NCAM2: variants seen among roughly 807,000 people sequenced by gnomAD.
NCAM2 encodes the protein neural cell adhesion molecule 2, also known as N-CAM-2.
A neutral mutation model predicts 98.1 loss-of-function variants in NCAM2; 30 were observed. That is an observed-to-expected ratio of 0.31 (90% CI 0.23 to 0.41). The LOEUF (loss-of-function observed/expected upper bound fraction) is 0.41, where lower values mean the gene tolerates loss of function less well. Among genes scored for constraint, NCAM2 ranks in the 10% least tolerant of loss-of-function variants. NCAM2 has a pLI of 1.00. For missense variants in NCAM2, 867 were observed against 1,005.8 expected (o/e 0.86, Z 1.87); for synonymous variants, 368 against 342.4 (o/e 1.07, Z -0.83).
chr21:21,071,336 T>C (rs375116718), intron 1 of NCAM2, among the ~76,000 whole-genome samples: 25 of 152,274 alleles, frequency 1.6e-4, no homozygotes, highest in African/African-American at 5.8e-4. Context: ...TGGTAAACAT[T>C]GGCGAATTTT....
intron 1 of NCAM2, among the ~76,000 whole-genome samples, chr21:21,158,711 T>A (rs1426817011): frequency 6.6e-6 from 1 of 152,174 alleles, no homozygotes; most frequent in Non-Finnish European, 1.5e-5. Context: ...CTCACCTGTT[T>A]ATGATGACGC....
chr21:21,262,184 A>T (rs928630456), intron 1 of NCAM2, among the ~76,000 whole-genome samples: 1 of 152,152 alleles, frequency 6.6e-6, no homozygotes, highest in Non-Finnish European at 1.5e-5. Flanking sequence ...GAACAGAACA[A>T]TAACAAGTTA....
At chr21:21,180,262 A>G (rs2068428192) in intron 1 of NCAM2, among the ~76,000 whole-genome samples, 1 of 152,246 alleles carries the variant, frequency 6.6e-6, no homozygotes, top group Admixed American at 6.5e-5. Flanking sequence ...TTTTATGGAT[A>G]CATAATAGTT....
chr21:21,492,352 A>T (rs1412920085), intron 15 of NCAM2, among the ~76,000 whole-genome samples: 8 of 151,962 alleles, frequency 5.3e-5, no homozygotes, highest in African/African-American at 1.9e-4. Context: ...ACAACAAAAA[A>T]TCCCTATGTG....
intron 1 of NCAM2, among the ~76,000 whole-genome samples, chr21:21,184,944 A>T (rs1190722492): frequency 1.3e-5 from 2 of 152,132 alleles, no homozygotes; most frequent in Non-Finnish European, 2.9e-5. Flanking sequence ...TGTACACCAC[A>T]CTTACAGATG....
At chr21:21,527,113 AT>A (rs34914462) in intron 16 of NCAM2, among the ~76,000 whole-genome samples, 72,236 of 140,658 alleles carry the variant, frequency 0.51, 17,811 homozygotes, top group Admixed American at 0.63. Context: ...TGAAAGAAAG[AT>A]TTTTTTTTTT....
chr21:21,346,479 A>G (rs2075192406), intron 8 of NCAM2, among the ~76,000 whole-genome samples: 2 of 152,064 alleles, frequency 1.3e-5, no homozygotes, highest in Admixed American at 1.3e-4. Flanking sequence ...AATGTTTCAG[A>G]CAGAAAATCA....
chr21:21,233,303 TTC>T (rs2070700173), intron 1 of NCAM2, among the ~76,000 whole-genome samples: 1 of 151,734 alleles, frequency 6.6e-6, no homozygotes, highest in Non-Finnish European at 1.5e-5. Context: ...TCAACCATTC[TTC>T]TGTTTCCCAT....
chr21:21,056,777 G>A (rs1030215277), intron 1 of NCAM2, among the ~76,000 whole-genome samples: 1 of 151,922 alleles, frequency 6.6e-6, no homozygotes, highest in African/African-American at 2.4e-5. Context: ...TTTTAAAATT[G>A]CAAATAAATA....
chr21:21,203,613 C>T (rs2069318808), intron 1 of NCAM2, among the ~76,000 whole-genome samples: 1 of 152,112 alleles, frequency 6.6e-6, no homozygotes, highest in Non-Finnish European at 1.5e-5. Flanking sequence ...ATTGCATTTC[C>T]TAATACATAC....
At chr21:21,061,395 T>C (rs1340117992) in intron 1 of NCAM2, among the ~76,000 whole-genome samples, 3 of 152,162 alleles carry the variant, frequency 2.0e-5, no homozygotes, top group African/African-American at 7.2e-5. Context: ...GTTCCTGTTT[T>C]AATGATAATC....
intron 1 of NCAM2, among the ~76,000 whole-genome samples, chr21:21,108,982 T>C (rs2066403386): frequency 6.6e-6 from 1 of 152,158 alleles, no homozygotes; most frequent in South Asian, 2.1e-4. Flanking sequence ...GTTATGATAA[T>C]GGTTTCTAGT....
At chr21:21,473,032 A>G (rs1984656043) in intron 14 of NCAM2, among the ~76,000 whole-genome samples, 2 of 151,790 alleles carry the variant, frequency 1.3e-5, no homozygotes, top group Non-Finnish European at 2.9e-5. Context: ...ATAATTTTAT[A>G]TACAATTCGG....
At chr21:21,279,813 A>G (rs896124628) in intron 1 of NCAM2, among the ~76,000 whole-genome samples, 9 of 152,198 alleles carry the variant, frequency 5.9e-5, no homozygotes, top group African/African-American at 2.2e-4. Flanking sequence ...CAGCTTTGTC[A>G]CTTTACCAAA....
At chr21:21,052,131 A>G (rs1171006565) in intron 1 of NCAM2, among the ~76,000 whole-genome samples, 3 of 145,722 alleles carry the variant, frequency 2.1e-5, no homozygotes, top group Non-Finnish European at 4.5e-5. Context: ...TATCATGAGA[A>G]CTCAAACTCA....
intron 1 of NCAM2, chr21:21,147,130 A>G: frequency 1.1e-6 from 1 of 909,406 alleles, no homozygotes; most frequent in African/African-American, 3.1e-5. Flanking sequence ...AGCCAGCACT[A>G]GTGGACTTCC....
In NCAM2 at chr21:21,437,098, T is replaced by G. The variant is rs192299807; in HGVS notation, c.1654+4817T>G. Reference sequence around the variant, plus strand: ...CCAGAAGCAACTTTTAAATGGAAACTAAGGTTCAAAGTGTTTATGAGAGAT... The same window carrying G: ...CCAGAAGCAACTTTTAAATGGAAACGAAGGTTCAAAGTGTTTATGAGAGAT... On this transcript the variant is annotated intron_variant, in intron 12 of 17. Coordinates refer to ENST00000400546, the MANE Select transcript of NCAM2 (RefSeq NM_004540.5). Among the ~76,000 whole-genome samples, 31 of 152,096 alleles carry G rather than the reference T, an allele frequency of 2.0e-4. No individual in the cohort carries two copies. The East Asian group carries it at 4.1e-3, about 20-fold the overall frequency.
chr21:21,319,988 A>T (rs557170662), intron 5 of NCAM2, among the ~76,000 whole-genome samples: 165 of 152,274 alleles, frequency 1.1e-3, no homozygotes, highest in African/African-American at 3.8e-3. Context: ...TTCTTAAACC[A>T]ACTTAATGAG....
At chr21:21,435,771 T>C (rs953201922) in intron 12 of NCAM2, among the ~76,000 whole-genome samples, 4 of 152,222 alleles carry the variant, frequency 2.6e-5, no homozygotes, top group Non-Finnish European at 4.4e-5. Flanking sequence ...AGTACCTGTG[T>C]AATGGGATTT....
Sources: gnomAD v4.1 joint callset for allele counts (sites outside exome capture counted in the v4.1 genomes callset) on GRCh38, gnomAD v4.1.1 for gene constraint, MANE v1.5 for transcripts, NCBI Gene and HGNC (gene_info 2026-07-23, HGNC 2026-07-21) for gene names.